The following DOCK3 variants were observed in gnomAD, a reference collection of about 807,000 sequenced individuals.
DOCK3 encodes dedicator of cytokinesis 3.
Under a neutral mutation model 265.6 loss-of-function variants are expected in DOCK3, and 60 were observed. The observed-to-expected ratio is 0.23, with a 90% CI of 0.18 to 0.28. DOCK3 has a LOEUF of 0.28. Ranked by LOEUF, DOCK3 falls within the 10% of genes least tolerant of loss-of-function variation. The pLI, the probability that DOCK3 is intolerant of heterozygous loss-of-function variation, is 1.00. For missense variants in DOCK3, 1,981 were observed against 2,594.3 expected (o/e 0.76, Z 5.14); for synonymous variants, 881 against 938.0 (o/e 0.94, Z 1.11).
chr3:51,073,698 TTTAA>T (rs2081963443), intron 6 of DOCK3, among the ~76,000 whole-genome samples: 1 of 152,210 alleles, frequency 6.6e-6, no homozygotes, highest in Non-Finnish European at 1.5e-5. Context: ...AACTCATTTT[TTTAA>T]TTAGTGGATA....
At chr3:50,756,320 C>G (rs1013885630) in intron 1 of DOCK3, among the ~76,000 whole-genome samples, 1 of 152,078 alleles carries the variant, frequency 6.6e-6, no homozygotes, top group African/African-American at 2.4e-5. Flanking sequence ...CCAATTCCTG[C>G]GATCTTATTG....
intron 2 of DOCK3, among the ~76,000 whole-genome samples, chr3:50,806,947 G>A (rs754643842): frequency 1.3e-5 from 2 of 152,152 alleles, no homozygotes; most frequent in African/African-American, 2.4e-5. Flanking sequence ...GGCCTTTGCA[G>A]TGGTGGTAGG....
At chr3:51,218,884 G>C (rs887199004) in intron 14 of DOCK3, among the ~76,000 whole-genome samples, 3 of 152,172 alleles carry the variant, frequency 2.0e-5, no homozygotes, top group African/African-American at 7.2e-5. Context: ...GTAGGACTGT[G>C]GTGGGACCTG....
Position 51,341,452 on chromosome 3 carries a change from A to C in DOCK3, c.3915+67A>C, listed in dbSNP as rs960396537. The C allele has an allele frequency of 2.5e-6, 4 of 1,587,170 alleles. No homozygotes were observed. The African/African-American group carries it at 5.4e-5, about 21-fold the overall frequency. On this transcript the variant is annotated intron_variant, in intron 38 of 52. Transcript: ENST00000266037. ...CTGTGATGCATGGCATCTTGACACC[A>C]TAGGGTTAACAGCAGCTGCAGGGGG...
intron 6 of DOCK3, among the ~76,000 whole-genome samples, chr3:51,067,631 C>G (rs938106131): frequency 6.6e-6 from 1 of 151,750 alleles, no homozygotes; most frequent in African/African-American, 2.4e-5. Flanking sequence ...TTCTTTCCCC[C>G]ACCCCTCTCT....
At chr3:51,089,879 A>G (rs2082570998) in intron 8 of DOCK3, among the ~76,000 whole-genome samples, 1 of 146,436 alleles carries the variant, frequency 6.8e-6, no homozygotes, top group Non-Finnish European at 1.5e-5. Context: ...AGTCTGGGTG[A>G]CAGAGTGAGA....
chr3:50,676,042 A>G (rs1314062374), intron 1 of DOCK3, among the ~76,000 whole-genome samples: 7 of 152,130 alleles, frequency 4.6e-5, no homozygotes, highest in East Asian at 1.9e-4. Flanking sequence ...ATGTTTTACA[A>G]TGTTAGTGTT....
chr3:50,918,582 C>T (rs1054187983), intron 4 of DOCK3, among the ~76,000 whole-genome samples: 1 of 151,802 alleles, frequency 6.6e-6, no homozygotes, highest in Non-Finnish European at 1.5e-5. Flanking sequence ...CTGTTCATAT[C>T]CTTTGCCCAC....
chr3:51,113,441 T>C (rs1451052714), intron 9 of DOCK3, among the ~76,000 whole-genome samples: 1 of 152,136 alleles, frequency 6.6e-6, no homozygotes, highest in Non-Finnish European at 1.5e-5. Context: ...AATCTACTGG[T>C]ATTGGCCCCC....
At chr3:50,765,336 G>A (rs1252762367) in intron 1 of DOCK3, among the ~76,000 whole-genome samples, 3 of 151,802 alleles carry the variant, frequency 2.0e-5, no homozygotes, top group African/African-American at 7.3e-5. Flanking sequence ...TGCCCATCTC[G>A]GCCTCTCAAA....
At chr3:51,141,558 C>T (rs763334824) in intron 9 of DOCK3, among the ~76,000 whole-genome samples, 14 of 152,106 alleles carry the variant, frequency 9.2e-5, no homozygotes, top group Non-Finnish European at 1.9e-4. Flanking sequence ...GTTGTCCCAA[C>T]ACTGTTTGTT....
chr3:51,109,033 G>A (rs1326309096), intron 9 of DOCK3, among the ~76,000 whole-genome samples: 2 of 151,412 alleles, frequency 1.3e-5, no homozygotes, highest in Non-Finnish European at 2.9e-5. Context: ...AAATGGATGT[G>A]ATAGACATCT....
chr3:51,178,958 C>T (rs747802737), intron 12 of DOCK3, among the ~76,000 whole-genome samples: 1 of 152,148 alleles, frequency 6.6e-6, no homozygotes, highest in African/African-American at 2.4e-5. Flanking sequence ...TGGGGAGGAA[C>T]GTGCCTAAGC....
At chr3:50,888,958 G>A (rs1051609970) in intron 3 of DOCK3, among the ~76,000 whole-genome samples, 5 of 151,748 alleles carry the variant, frequency 3.3e-5, no homozygotes, top group African/African-American at 7.3e-5. Flanking sequence ...CTTTTATTAT[G>A]AGCCAAAATA....
At chr3:50,688,299 C>G (rs1182504303) in intron 1 of DOCK3, among the ~76,000 whole-genome samples, 4 of 152,124 alleles carry the variant, frequency 2.6e-5, no homozygotes, top group African/African-American at 9.7e-5. Context: ...AAAGGCTTGT[C>G]TTTTAATGCA....
At chr3:51,035,640 A>C in intron 5 of DOCK3, among the ~76,000 whole-genome samples, 1 of 152,094 alleles carries the variant, frequency 6.6e-6, no homozygotes, top group Non-Finnish European at 1.5e-5. Context: ...TTAATTTTTT[A>C]TTGTGTCCTA....
intron 40 of DOCK3, among the ~76,000 whole-genome samples, chr3:51,354,312 C>T (rs950386523): frequency 6.6e-6 from 1 of 151,852 alleles, no homozygotes; most frequent in Non-Finnish European, 1.5e-5. Flanking sequence ...AAGGCCTGCC[C>T]AGTGATTAAC....
chr3:51,354,794 T>C, intron 40 of DOCK3, 88 bp from the exon 41 acceptor site: 1 of 1,537,848 alleles, frequency 6.5e-7, no homozygotes, highest in Admixed American at 1.9e-5. Context: ...TAAGATATGT[T>C]TGTGCTATAT....
chr3:51,248,801 C>T (rs1288178153), intron 22 of DOCK3, among the ~76,000 whole-genome samples: 10 of 149,482 alleles, frequency 6.7e-5, no homozygotes, highest in South Asian at 4.3e-4. Context: ...CGTCTTTGCC[C>T]GGCCGCCCAT....
Sources: allele counts gnomAD v4.1 joint callset (sites outside exome capture counted in the v4.1 genomes callset), GRCh38; gene constraint gnomAD v4.1.1; transcripts MANE v1.5; gene names NCBI Gene and HGNC (gene_info 2026-07-23, HGNC 2026-07-21).